The following MGST1 variants were observed in gnomAD, a reference collection of about 807,000 sequenced individuals.
MGST1 encodes the protein microsomal glutathione S-transferase 1.
MGST1 carries 5 observed loss-of-function variants against 8.9 expected under a neutral mutation model. The observed-to-expected ratio is 0.56, with a 90% CI of 0.29 to 1.19. The LOEUF is 1.19. Ranked by LOEUF, MGST1 falls within the 50% of genes most tolerant of loss-of-function variation. The pLI, the probability that MGST1 is intolerant of heterozygous loss-of-function variation, is 0.08. For missense variants in MGST1, 182 were observed against 187.4 expected, an observed-to-expected ratio of 0.97 and a Z score of 0.17; for synonymous variants, 54 against 67.8, an observed-to-expected ratio of 0.80 and a Z score of 1.00.
At chr12:16,436,283 A>T (rs1211344843) in intron 1 of MGST1, among the ~76,000 whole-genome samples, 1 of 151,954 alleles carries the variant, frequency 6.6e-6, no homozygotes, top group Non-Finnish European at 1.5e-5. Context: ...GATAAAACAG[A>T]CAAGGCAGGC....
intron 4 of MGST1, among the ~76,000 whole-genome samples, chr12:16,504,289 C>T (rs1232323224): frequency 6.9e-6 from 1 of 144,950 alleles, no homozygotes; most frequent in Non-Finnish European, 1.5e-5. Context: ...TTACTTTCAG[C>T]TCTTGAAAAT....
intron 4 of MGST1, among the ~76,000 whole-genome samples, chr12:16,583,030 G>A (rs546086358): frequency 8.2e-5 from 11 of 134,020 alleles, no homozygotes; most frequent in African/African-American, 3.1e-4. Flanking sequence ...CTGGGTGACA[G>A]TGCGAGACTC....
chr12:16,449,709 A>C (rs984853690), intron 4 of MGST1, among the ~76,000 whole-genome samples: 6 of 151,916 alleles, frequency 3.9e-5, no homozygotes, highest in African/African-American at 1.4e-4. Flanking sequence ...CATTTATTCA[A>C]ATTTTGCCCC....
At chr12:16,423,623 T>C (rs571137850) in intron 1 of MGST1, among the ~76,000 whole-genome samples, 2 of 152,376 alleles carry the variant, frequency 1.3e-5, no homozygotes, top group African/African-American at 4.8e-5. Context: ...ATCTGCTCTT[T>C]TATAGCACTT....
intron 1 of MGST1, chr12:16,400,407 C>T (rs1940644177): frequency 1.2e-6 from 1 of 818,782 alleles, no homozygotes; most frequent in African/African-American, 1.7e-5. Context: ...CTTGCAGCCT[C>T]TTTTGGGCAA....
At chr12:16,443,655 C>A (rs1188551952), downstream of MGST1, among the ~76,000 whole-genome samples, 1 of 151,830 alleles carries the variant, frequency 6.6e-6, no homozygotes, top group African/African-American at 2.4e-5. Flanking sequence ...GTCCATTTTA[C>A]TATTATTTCA....
chr12:16,457,750 T>C (rs183846300), intron 4 of MGST1, among the ~76,000 whole-genome samples: 16 of 152,144 alleles, frequency 1.1e-4, no homozygotes, highest in Admixed American at 1.0e-3. Flanking sequence ...GCTATCTTTG[T>C]TTAAACTTGC....
chr12:16,395,183 T>C (rs1284889350), intron 1 of MGST1, among the ~76,000 whole-genome samples: 2 of 151,992 alleles, frequency 1.3e-5, no homozygotes, highest in Non-Finnish European at 2.9e-5. Flanking sequence ...GTCATAATGC[T>C]GGGGAAGGAT....
chr12:16,477,867 A>G (rs1175108831), intron 4 of MGST1, among the ~76,000 whole-genome samples: 2 of 152,182 alleles, frequency 1.3e-5, no homozygotes, highest in Non-Finnish European at 2.9e-5. Flanking sequence ...TGTCTCACAA[A>G]GAACTTTTTA....
At chr12:16,519,656 A>C (rs1941636453) in intron 4 of MGST1, among the ~76,000 whole-genome samples, 1 of 150,154 alleles carries the variant, frequency 6.7e-6, no homozygotes, top group Non-Finnish European at 1.5e-5. Flanking sequence ...ATTTTTTTAC[A>C]GTTTCAGCTG....
At chr12:16,394,624 G>T (rs1940589388) in intron 1 of MGST1, among the ~76,000 whole-genome samples, 2 of 144,820 alleles carry the variant, frequency 1.4e-5, no homozygotes, top group Non-Finnish European at 3.0e-5. Context: ...ACAGAGTCTT[G>T]CTCTGTCACC....
At chr12:16,486,153 C>G (rs1185036004) in intron 4 of MGST1, among the ~76,000 whole-genome samples, 1 of 152,208 alleles carries the variant, frequency 6.6e-6, no homozygotes, top group African/African-American at 2.4e-5. Context: ...AATTACATCC[C>G]TATTCCCACA....
chr12:16,491,034 T>G (rs975739683), intron 4 of MGST1, among the ~76,000 whole-genome samples: 7 of 152,206 alleles, frequency 4.6e-5, no homozygotes, highest in African/African-American at 1.7e-4. Context: ...CAACATCCTT[T>G]GTAATATAAG....
downstream of MGST1, among the ~76,000 whole-genome samples, chr12:16,381,511 T>C (rs528924092): frequency 2.8e-4 from 43 of 152,336 alleles, no homozygotes; most frequent in South Asian, 5.2e-3. Flanking sequence ...AGAGATCAGC[T>C]ATTAGTCTGA....
chr12:16,587,543 C>T lies in MGST1; in HGVS notation n.483-1985C>T, dbSNP rs756662695. 2.0e-5 allele frequency among the ~76,000 whole-genome samples: 3 copies of T among 151,928 alleles called. No individual in the cohort carries two copies. Among genetic ancestry groups the T allele is most frequent in the Non-Finnish European group, 4.4e-5 (3 of 67,972 alleles). ...AAACCCCTGGCCTTGAGTTTTGGCC[C>T]CTTAATAGTAGCCTACATGGTTGAC... On this transcript the variant is annotated intron_variant and non_coding_transcript_variant, in intron 4 of 4. Coordinates refer to the MGST1 transcript ENST00000538857. This position sits in a 1 kb window ranked among gnomAD's most constrained non-coding sequence, Gnocchi z 4.3.
At chr12:16,367,856 C>G (rs1940219927), downstream of MGST1, among the ~76,000 whole-genome samples, 2 of 151,410 alleles carry the variant, frequency 1.3e-5, no homozygotes, top group African/African-American at 4.9e-5. Context: ...ACACAGGACC[C>G]TCACCACTGT....
intron 1 of MGST1, among the ~76,000 whole-genome samples, chr12:16,411,499 T>G (rs1940742276): frequency 6.6e-6 from 1 of 152,240 alleles, no homozygotes; most frequent in Admixed American, 6.5e-5. Context: ...AGGTCAGAGA[T>G]CTCACATTCT....
rs562422482 is a variant in MGST1 at position 16,363,984 on chromosome 12, A to C, written c.411A>C (p.Gly137=). ...ATAGAGCTTTGAGTTTTTTTGTTGG[A>C]TATGGAGTTACTCTTTCCATGGCTT... ...QPNRALSFFV[G]YGVTLSMAYR... is the part of the protein sequence containing the mutation. Residue 137 remains glycine (G), a synonymous_variant, in exon 4 of 4, where the codon GGA becomes GGC. Coordinates refer to ENST00000396210, the MANE Select transcript of MGST1 (RefSeq NM_020300.5). This position sits in a 1 kb window ranked among gnomAD's most constrained non-coding sequence, Gnocchi z 4.6. 1.2e-6 allele frequency: 2 copies of C among 1,613,896 alleles called. No homozygotes were observed. The highest frequency in any genetic ancestry group is 1.1e-5 in the South Asian group (1 of 91,062).
chr12:16,516,077 T>A (rs1941613027), intron 4 of MGST1, among the ~76,000 whole-genome samples: 1 of 152,222 alleles, frequency 6.6e-6, no homozygotes, highest in Non-Finnish European at 1.5e-5. Context: ...CTCATTTTTT[T>A]AATGTCAGGC....
Sources: gnomAD v4.1 joint callset for allele counts (sites outside exome capture counted in the v4.1 genomes callset) on GRCh38, gnomAD v4.1.1 for gene constraint, Gnocchi (gnomAD v3.1) non-coding constraint, MANE v1.5 for transcripts, NCBI Gene and HGNC (gene_info 2026-07-23, HGNC 2026-07-21) for gene names.